MRAP2: variants seen among roughly 807,000 people sequenced by gnomAD.
MRAP2 encodes the protein melanocortin 2 receptor accessory protein 2.
A neutral mutation model predicts 17.4 loss-of-function variants in MRAP2; 20 were observed. The ratio of observed to expected loss-of-function variants is 1.15; its 90% confidence interval spans 0.81 to 1.67. MRAP2 has a LOEUF of 1.67. Ranked by LOEUF, MRAP2 falls within the 40% of genes most tolerant of loss-of-function variation. The pLI is 0.00. For missense variants in MRAP2, 238 were observed against 240.0 expected (o/e 0.99, Z 0.05); for synonymous variants, 96 against 88.4 (o/e 1.09, Z -0.48).
intron 1 of MRAP2, among the ~76,000 whole-genome samples, chr6:84,036,430 G>T (rs530436275): frequency 9.1e-4 from 138 of 152,264 alleles, no homozygotes; most frequent in African/African-American, 3.2e-3. Context: ...GACCCTTGCG[G>T]TGAGTGTTAA....
rs369530178 is a variant in MRAP2, at chr6:84,084,393, GCTAA to G, written c.228-4695_228-4692del. ...GATTTTGACTTGTTTGATCTGAGAG[GCTAA>G]CTTTTATGAACATTTATGTAGTTAT... On this transcript the variant is annotated intron_variant, in intron 3 of 3. Transcript: ENST00000257776. Among the ~76,000 whole-genome samples the G allele has an allele frequency of 5.1e-3, 775 of 152,206 alleles. 9 individuals carry two copies. The highest frequency in any genetic ancestry group is 0.016 in the African/African-American group (682 of 41,526).
chr6:84,118,251 C>A, the MRAP2 span, among the ~76,000 whole-genome samples: 1 of 151,282 alleles, frequency 6.6e-6, no homozygotes, highest in Admixed American at 6.6e-5. Context: ...CTGTTTAAAG[C>A]AGCATTCTGG....
At chr6:84,078,886 T>G (rs981659432) in intron 3 of MRAP2, among the ~76,000 whole-genome samples, 1 of 152,228 alleles carries the variant, frequency 6.6e-6, no homozygotes, top group South Asian at 2.1e-4. Context: ...TGTAAACTAC[T>G]CAGTCTCAGG....
In MRAP2 at chr6:84,045,928, T is replaced by C. The variant is rs111673736; in HGVS notation, c.-7-9384T>C. Among the ~76,000 whole-genome samples the C allele has an allele frequency of 6.4e-3, 972 of 152,330 alleles. 17 individuals are homozygous for C. The highest frequency in any genetic ancestry group is 0.022 in the African/African-American group (910 of 41,572). The stretch of plus-strand genomic sequence containing the variant: ...GGTATTTCGTTAAGTTACAGAATCA[T>C]AGATCTGGAAGGACTTTCACTACAT... On this transcript the variant is annotated intron_variant, in intron 1 of 3. Transcript: ENST00000257776.
the MRAP2 span, among the ~76,000 whole-genome samples, chr6:84,138,627 G>A: frequency 6.6e-6 from 1 of 152,094 alleles, no homozygotes; most frequent in African/African-American, 2.4e-5. Flanking sequence ...TAGTAGTGAG[G>A]CTTAAAAATC....
At chr6:84,110,775 GTA>G in the MRAP2 span, among the ~76,000 whole-genome samples, 1 of 152,164 alleles carries the variant, frequency 6.6e-6, no homozygotes, top group Non-Finnish European at 1.5e-5. Flanking sequence ...GTTAATTTTT[GTA>G]TAAGGTGTAA....
chr6:84,125,049 A>T, the MRAP2 span: 3 of 1,579,996 alleles, frequency 1.9e-6, no homozygotes, highest in Non-Finnish European at 8.7e-7. Flanking sequence ...TAATAAGGTC[A>T]TTATGAAATC....
At chr6:84,125,059 C>G in the MRAP2 span, 3 of 1,602,746 alleles carry the variant, frequency 1.9e-6, no homozygotes, top group Non-Finnish European at 2.6e-6. Flanking sequence ...ATTATGAAAT[C>G]TGAATTTCTA....
intron 3 of MRAP2, among the ~76,000 whole-genome samples, chr6:84,073,889 T>TG (rs370523969): frequency 0.011 from 800 of 72,206 alleles, 2 homozygotes; most frequent in African/African-American, 0.059. Flanking sequence ...TGTGTGTGTG[T>TG]TTTTTTTTTT....
Position 84,070,007 on chromosome 6 carries a change from G to A in MRAP2, c.227+7015G>A, listed in dbSNP as rs192361380. Among the ~76,000 whole-genome samples the A allele has an allele frequency of 1.8e-3, 278 of 151,600 alleles. 3 individuals carry two copies. The highest frequency in any genetic ancestry group is 6.8e-3 in the Middle Eastern group (2 of 294). The stretch of plus-strand genomic sequence containing the variant: ...TCTTTTCTTGGTTATTCTTGCTAAT[G>A]GTTTATCAATTTTATTTATCTTTTC... On this transcript the variant is annotated intron_variant, in intron 3 of 3. Coordinates refer to ENST00000257776, the MANE Select transcript of MRAP2 (RefSeq NM_138409.4).
the MRAP2 span, among the ~76,000 whole-genome samples, chr6:84,122,473 A>G: frequency 6.6e-6 from 1 of 152,122 alleles, no homozygotes; most frequent in Non-Finnish European, 1.5e-5. Flanking sequence ...ACAATAGAAC[A>G]AAAACTACAT....
At chr6:84,053,556 A>T (rs1485422778) in intron 1 of MRAP2, among the ~76,000 whole-genome samples, 1 of 152,194 alleles carries the variant, frequency 6.6e-6, no homozygotes, top group Non-Finnish European at 1.5e-5. Flanking sequence ...TCAATCAATT[A>T]ACACTTGGTG....
rs111991573 is a variant in MRAP2 at position 84,042,248 on chromosome 6, T to C, written c.-8+8365T>C. Among the ~76,000 whole-genome samples, 975 of 152,284 alleles carry C rather than the reference T, an allele frequency of 6.4e-3. 15 individuals are homozygous for C. Among genetic ancestry groups the C allele is most frequent in the African/African-American group, 0.022 (912 of 41,554 alleles). On this transcript the variant is annotated intron_variant, in intron 1 of 3. Transcript: ENST00000257776. ...CATGACTGTAAGTTTCCTGAGGCCT[T>C]CTTAGCCATATTGAACTGTGAATCA... is the stretch of plus-strand genomic sequence containing the variant.
chr6:84,043,178 A>G (rs1169113176), intron 1 of MRAP2, among the ~76,000 whole-genome samples: 4 of 152,238 alleles, frequency 2.6e-5, no homozygotes, highest in African/African-American at 7.2e-5. Context: ...TGGTATTCTT[A>G]AAATGGTCTA....
the MRAP2 span, among the ~76,000 whole-genome samples, chr6:84,101,739 A>C: frequency 1.3e-5 from 2 of 152,226 alleles, no homozygotes; most frequent in Non-Finnish European, 2.9e-5. Context: ...TGGTTAAAGA[A>C]AATTTATATT....
intron 1 of MRAP2, 43 bp downstream of exon 1, chr6:84,033,926 C>T (rs1213510561): frequency 9.1e-6 from 9 of 985,414 alleles, no homozygotes; most frequent in Non-Finnish European, 1.1e-5. Flanking sequence ...GAGCAAAGCC[C>T]GGGCGCTGGG....
intron 1 of MRAP2, among the ~76,000 whole-genome samples, chr6:84,042,292 A>C (rs1051921035): frequency 3.3e-5 from 5 of 152,132 alleles, no homozygotes; most frequent in African/African-American, 1.2e-4. Flanking sequence ...TCTTTTCTTT[A>C]TAAATTACCC....
At chr6:84,143,360 T>TG in the MRAP2 span, among the ~76,000 whole-genome samples, 8 of 152,142 alleles carry the variant, frequency 5.3e-5, no homozygotes, top group Non-Finnish European at 8.8e-5. Context: ...TTTGTAGTTT[T>TG]CATAAGAAAT....
chr6:84,033,449 C>A (rs531063986), upstream of MRAP2, among the ~76,000 whole-genome samples: 1 of 152,316 alleles, frequency 6.6e-6, no homozygotes, highest in East Asian at 1.9e-4. Context: ...TTTTCATAAG[C>A]CTTGATTCAT....
Sources: allele counts gnomAD v4.1 joint callset (sites outside exome capture counted in the v4.1 genomes callset), GRCh38; gene constraint gnomAD v4.1.1; transcripts MANE v1.5; gene names NCBI Gene and HGNC (gene_info 2026-07-23, HGNC 2026-07-21).